Variants in PLEKHH1 observed in about 807,000 individuals in gnomAD.
PLEKHH1 encodes pleckstrin homology domain-containing family H member 1.
Under a neutral mutation model 160.0 loss-of-function variants are expected in PLEKHH1, and 104 were observed. The observed-to-expected ratio is 0.65, with a 90% confidence interval of 0.55 to 0.76. PLEKHH1 has a LOEUF of 0.76. Among genes scored for constraint, PLEKHH1 ranks in the 30% least tolerant of loss-of-function variants. The probability of loss-of-function intolerance (pLI) is 0.00; values close to 1 mark genes in which losing one functional copy is unlikely to be tolerated. For synonymous variants in PLEKHH1, 619 were observed against 678.4 expected (o/e 0.91, Z 1.36); for missense variants, 1,427 against 1,724.1 (o/e 0.83, Z 3.05).
Position 67,581,002 on chromosome 14 carries a change from G to A in PLEKHH1, c.3248G>A (p.Gly1083Asp). 1 of 1,613,426 alleles carries A rather than the reference G, an allele frequency of 6.2e-7. No homozygotes were observed. The highest frequency in any genetic ancestry group is 1.3e-5 in the African/African-American group (1 of 75,034). ...MKELHPGKSE[G>D]GTRVVKLMYK... ...GAGCTGCACCCCGGAAAGTCTGAGG[G>A]TGGGACACGCGTCGTGAAGCTGATG... The change falls in exon 23 of 29, where the codon GGT (glycine) becomes GAT (aspartate). Residue 1083 changes from glycine (G) to aspartate (D), a missense_variant. By Grantham distance (94) the Gly-to-Asp change is moderately conservative. Around this residue, in one of 6 missense-constraint regions of PLEKHH1, gnomAD observed 436 missense variants for 607.5 expected, o/e 0.72. Transcript: ENST00000329153.
chr14:67,557,737 AAAG>A (rs531343462), intron 4 of PLEKHH1, among the ~76,000 whole-genome samples: 140 of 152,324 alleles, frequency 9.2e-4, no homozygotes, highest in African/African-American at 3.2e-3. Flanking sequence ...CACATTTATA[AAAG>A]AAGGGTGGAA....
chr14:67,579,251 C>T lies in PLEKHH1; in HGVS notation c.2967C>T (p.Asn989=). ...AAGTGGTGTCCATCCTGCTGCGTAA[C>T]CCCTTCCACCACTCCTTGCCCTTCA... ...RMEVVSILLR[N]PFHHSLPFSI... is the part of the protein sequence containing the mutation. The change falls in exon 21 of 29, where the codon AAC becomes AAT. Residue 989 remains asparagine, a synonymous_variant. Transcript: ENST00000329153. 6.2e-7 allele frequency: 1 copy of T among 1,602,380 alleles called. No homozygotes were observed. The highest frequency in any genetic ancestry group is 8.5e-7 in the Non-Finnish European group (1 of 1,175,592).
At chr14:67,549,700 G>C (rs944913748) in intron 2 of PLEKHH1, among the ~76,000 whole-genome samples, 4 of 152,170 alleles carry the variant, frequency 2.6e-5, no homozygotes, top group Admixed American at 6.5e-5. Flanking sequence ...GTGCTGATGG[G>C]GCTACGGCTC....
intron 2 of PLEKHH1, among the ~76,000 whole-genome samples, chr14:67,545,037 TAAGA>T: frequency 6.6e-6 from 1 of 152,356 alleles, no homozygotes; most frequent in South Asian, 2.1e-4. Flanking sequence ...TTGGCTGCTG[TAAGA>T]AAGAACCTCA....
rs574733370 is a variant in PLEKHH1 at position 67,572,275 on chromosome 14, G to C, written c.1726G>C (p.Gly576Arg). Reference protein sequence around the residue: ...SYSTDGLGLGGESLEKSGYLL... With the variant: ...SYSTDGLGLGRESLEKSGYLL... ...CTCCACCGACGGGCTGGGCCTGGGC[G>C]GGGTGAGCCGGGAAACGGGCGGGGG... Residue 576 changes from glycine (G) to arginine (R), a missense_variant and splice_region_variant, in exon 11 of 29, where the codon GGG becomes CGG. By Grantham distance (125) the Gly-to-Arg change is moderately radical. Around this residue, in one of 6 missense-constraint regions of PLEKHH1, gnomAD observed 831 missense variants for 929.2 expected, o/e 0.89. Coordinates refer to ENST00000329153, the MANE Select transcript of PLEKHH1 (RefSeq NM_020715.3). The C allele has an allele frequency of 1.6e-5, 25 of 1,593,772 alleles. No homozygotes were observed. Among genetic ancestry groups the C allele is most frequent in the Non-Finnish European group, 2.0e-5 (24 of 1,172,922 alleles).
In PLEKHH1 at chr14:67,578,635, A is replaced by G; in HGVS notation, c.2849+4A>G. On this transcript the variant is annotated splice_donor_region_variant and intron_variant, in intron 20 of 28. Coordinates refer to ENST00000329153, the MANE Select transcript of PLEKHH1 (RefSeq NM_020715.3). The surrounding 1 kb of genome is among the most constrained non-coding windows in gnomAD (Gnocchi z 5.0). ...TCCAACGCCATGCAGATCCCAGGTG[A>G]GTGAACCTGGCCGTTTCCTCTGCCA... is the stretch of plus-strand genomic sequence containing the variant. 1 of 1,578,314 alleles carries G rather than the reference A, an allele frequency of 6.3e-7. No individual in the cohort carries two copies. Among genetic ancestry groups the G allele is most frequent in the Non-Finnish European group, 8.7e-7 (1 of 1,153,960 alleles).
chr14:67,569,609 G>T, intron 8 of PLEKHH1: 1 of 465,976 alleles, frequency 2.1e-6, no homozygotes, highest in Non-Finnish European at 3.9e-6. Flanking sequence ...AACGAGGGCT[G>T]TGGGGTGGTC....
At chr14:67,559,754 G>T (rs2034750369) in intron 5 of PLEKHH1, 63 bp downstream of exon 5, 2 of 1,078,024 alleles carry the variant, frequency 1.9e-6, no homozygotes, top group African/African-American at 1.6e-5. Context: ...CTGACCCCCG[G>T]AGTTTCCTGC....
intron 2 of PLEKHH1, among the ~76,000 whole-genome samples, chr14:67,550,442 G>T (rs1009286338): frequency 1.3e-5 from 2 of 152,204 alleles, no homozygotes; most frequent in Non-Finnish European, 2.9e-5. Context: ...ATCCGCCTCG[G>T]CCTCCCAAAG....
chr14:67,568,455 C>T (rs2035212341), intron 7 of PLEKHH1, among the ~76,000 whole-genome samples: 1 of 151,746 alleles, frequency 6.6e-6, no homozygotes, highest in South Asian at 2.1e-4. Flanking sequence ...TGGATGGTGG[C>T]GGTGGGGGAG....
At chr14:67,555,790 G>A in intron 2 of PLEKHH1, 35 bp from the exon 3 acceptor site, 1 of 1,610,588 alleles carries the variant, frequency 6.2e-7, no homozygotes, top group Non-Finnish European at 8.5e-7. Flanking sequence ...TAGGGACATG[G>A]CACCTACATC....
In PLEKHH1 at chr14:67,574,959, T is replaced by C. The variant is rs2035556292; in HGVS notation, c.2089-433T>C. 6.6e-6 allele frequency among the ~76,000 whole-genome samples: 1 copy of C among 152,236 alleles called. No individual in the cohort carries two copies. The highest frequency in any genetic ancestry group is 2.4e-5 in the African/African-American group (1 of 41,462). Reference sequence around the variant, plus strand: ...GGCTGGCAGGCTCGCTGTGTGGCTCTGCTTCTCGTTCAATCTGTTTATGTC... The same window carrying C: ...GGCTGGCAGGCTCGCTGTGTGGCTCCGCTTCTCGTTCAATCTGTTTATGTC... On this transcript the variant is annotated intron_variant, in intron 14 of 28. Coordinates refer to ENST00000329153, the MANE Select transcript of PLEKHH1 (RefSeq NM_020715.3). The surrounding 1 kb of genome is among the most constrained non-coding windows in gnomAD (Gnocchi z 4.2).
chr14:67,586,554 C>CA, intron 28 of PLEKHH1: 1 of 564,644 alleles, frequency 1.8e-6, no homozygotes, highest in Non-Finnish European at 3.0e-6. Context: ...GGGAAGACCG[C>CA]AAAAAGACCT....
chr14:67,566,652 G>A (rs1018397414), intron 7 of PLEKHH1, among the ~76,000 whole-genome samples: 1 of 151,808 alleles, frequency 6.6e-6, no homozygotes, highest in Non-Finnish European at 1.5e-5. Flanking sequence ...GGAGGCTTAA[G>A]TGGAAGTTAA....
In PLEKHH1 at chr14:67,589,371, C is replaced by G; in HGVS notation, c.*2136C>G. The stretch of plus-strand genomic sequence containing the variant: ...GAGTCCCATGTCTGAAAACCAAAGT[C>G]CAATTTCTGTCTGGCCTTTTGTCTC... On this transcript the variant is annotated 3_prime_UTR_variant, in exon 29 of 29. Coordinates refer to ENST00000329153, the MANE Select transcript of PLEKHH1 (RefSeq NM_020715.3). The G allele has an allele frequency of 5.1e-6, 5 of 984,742 alleles. No homozygotes were observed. The highest frequency in any genetic ancestry group is 6.0e-6 in the Non-Finnish European group (5 of 829,402). 61.0% of individuals were successfully genotyped at this position (984,742 alleles called of 1,614,324 possible).
Position 67,579,822 on chromosome 14 carries a change from C to G in PLEKHH1, c.3129C>G (p.Phe1043Leu). ...RKPSHSGFAL[F>L]TDDPSGRDLE... ...CATCCCACTCTGGCTTTGCCCTCTT[C>G]ACGGACGATCCCTCGGGCAGGGACC... The change falls in exon 22 of 29, where the codon TTC becomes TTG. Residue 1043 changes from phenylalanine (F) to leucine (L), a missense_variant. Phe to Leu is a conservative substitution (Grantham distance 22, BLOSUM62 0). This residue lies in a region of PLEKHH1 where 436 missense variants were observed against 607.5 expected (regional missense o/e 0.72). Coordinates refer to ENST00000329153, the MANE Select transcript of PLEKHH1 (RefSeq NM_020715.3). 6.2e-7 allele frequency: 1 copy of G among 1,609,400 alleles called. No individual in the cohort carries two copies. The highest frequency in any genetic ancestry group is 8.5e-7 in the Non-Finnish European group (1 of 1,177,962).
chr14:67,573,753 G>A lies in PLEKHH1; in HGVS notation c.1840-48G>A. ...ATCTGAGGGTAAATGAGGTGCTCCG[G>A]AAAGGCTCCACATTCAGTGGCTCTC... is the stretch of plus-strand genomic sequence containing the variant. On this transcript the variant is annotated intron_variant, in intron 12 of 28. Coordinates refer to ENST00000329153, the MANE Select transcript of PLEKHH1 (RefSeq NM_020715.3). The surrounding 1 kb of genome is among the most constrained non-coding windows in gnomAD (Gnocchi z 4.8). 4 of 1,241,658 alleles carry A rather than the reference G, an allele frequency of 3.2e-6. No homozygotes were observed. Among genetic ancestry groups the A allele is most frequent in the Non-Finnish European group, 4.8e-6 (4 of 839,378 alleles). 76.9% of individuals were successfully genotyped at this position (1,241,658 alleles called of 1,614,324 possible). A position where few individuals can be genotyped will look rare whatever the true frequency, so the allele number is the denominator to read the frequency against.
chr14:67,559,867 T>G (rs1005370556), intron 5 of PLEKHH1, among the ~76,000 whole-genome samples, 176 bp downstream of exon 5: 2 of 152,160 alleles, frequency 1.3e-5, no homozygotes, highest in Non-Finnish European at 2.9e-5. Flanking sequence ...CCCTTTCCTT[T>G]TGTCTTGGTT....
chr14:67,581,249 A>G (rs139822469), intron 23 of PLEKHH1, among the ~76,000 whole-genome samples: 168 of 149,958 alleles, frequency 1.1e-3, no homozygotes, highest in African/African-American at 3.9e-3. Flanking sequence ...AGCCTTCCCT[A>G]TACTGCGTGT....
Sources: allele counts gnomAD v4.1 joint callset (sites outside exome capture counted in the v4.1 genomes callset), GRCh38; gene constraint gnomAD v4.1.1; regional missense constraint gnomAD v4.1.1; non-coding constraint Gnocchi (gnomAD v3.1); transcripts MANE v1.5; gene names NCBI Gene and HGNC (gene_info 2026-07-23, HGNC 2026-07-21).